PCDHGC5: variants seen among roughly 807,000 people sequenced by gnomAD.
PCDHGC5 encodes the protein protocadherin gamma subfamily C, 5, also known as protocadherin gamma-C5.
A neutral mutation model predicts 59.0 loss-of-function variants in PCDHGC5; 25 were observed. The observed-to-expected ratio is 0.42, with a 90% CI of 0.31 to 0.59. The LOEUF (loss-of-function observed/expected upper bound fraction) is 0.59. Among genes scored for constraint, PCDHGC5 ranks in the 20% least tolerant of loss-of-function variants. PCDHGC5 has a pLI of 0.13. For synonymous variants in PCDHGC5, 434 were observed against 505.5 expected (o/e 0.86, Z 1.90); for missense variants, 1,067 against 1,206.4 (o/e 0.88, Z 1.71).
intron 2 of PCDHGC5, among the ~76,000 whole-genome samples, chr5:141,501,286 C>T (rs2099806802): frequency 8.9e-6 from 1 of 112,422 alleles, no homozygotes; most frequent in African/African-American, 3.5e-5. Context: ...GGGATATTCC[C>T]TTATACACAC....
Position 141,491,652 on chromosome 5 carries a change from G to T in PCDHGC5, c.2412G>T (p.Glu804Asp). ...SVQQPTALAL[E>D]PDAIRSRSNT... ...AGCAGCCCACAGCTCTGGCGCTGGA[G>T]CCTGACGCCATCCGGTCCCGCTCTA... Residue 804 changes from glutamate to aspartate, a missense_variant, in exon 1 of 4, where the codon GAG becomes GAT. Physicochemically the swap from Glu to Asp is conservative, Grantham distance 45. Transcript: ENST00000252087. The surrounding 1 kb of genome is among the most constrained non-coding windows in gnomAD (Gnocchi z 6.9). The T allele has an allele frequency of 6.2e-7, 1 of 1,613,844 alleles. No homozygotes were observed.
intron 2 of PCDHGC5, among the ~76,000 whole-genome samples, chr5:141,501,761 G>C (rs906778888): frequency 2.6e-5 from 4 of 152,090 alleles, no homozygotes; most frequent in African/African-American, 4.8e-5. Flanking sequence ...CTCAGTAAAT[G>C]GTTAAAAAAG....
chr5:141,490,640 G>C lies in PCDHGC5; in HGVS notation c.1400G>C (p.Arg467Pro), dbSNP rs774630488. 1 of 1,614,122 alleles carries C rather than the reference G, an allele frequency of 6.2e-7. No individual in the cohort carries two copies. The highest frequency in any genetic ancestry group is 8.5e-7 in the Non-Finnish European group (1 of 1,180,012). The change falls in exon 1 of 4, where the codon CGG becomes CCG. Residue 467 changes from arginine (R) to proline (P), a missense_variant. Coordinates refer to ENST00000252087, the MANE Select transcript of PCDHGC5 (RefSeq NM_018929.3). This position sits in a 1 kb window ranked among gnomAD's most constrained non-coding sequence, Gnocchi z 5.4. ...QLYTAYILEN[R>P]PPGSLLCTVA... The stretch of plus-strand genomic sequence containing the variant: ...TACACTGCTTACATCCTAGAAAACC[G>C]GCCTCCGGGCTCCCTTCTTTGCACT...
chr5:141,506,896 T>C (rs1417106112), intron 3 of PCDHGC5, among the ~76,000 whole-genome samples: 3 of 152,158 alleles, frequency 2.0e-5, no homozygotes, highest in African/African-American at 7.2e-5. Flanking sequence ...CAAGAAGCAC[T>C]GTCATCACAC....
chr5:141,509,046 C>T (rs1442220429), intron 3 of PCDHGC5, among the ~76,000 whole-genome samples: 1 of 152,160 alleles, frequency 6.6e-6, no homozygotes, highest in Non-Finnish European at 1.5e-5. Flanking sequence ...CTCTCCCCCG[C>T]CCCCAGAAAG....
In PCDHGC5 at chr5:141,491,341, G is replaced by C. The variant is rs775712620; in HGVS notation, c.2101G>C (p.Val701Leu). ...TLYLIVALAT[V>L]SLLSLVTFTF... ...TTACCTCATTGTGGCTCTAGCGACC[G>C]TCAGTCTCTTATCCCTAGTCACCTT... Residue 701 changes from valine to leucine, a missense_variant, in exon 1 of 4, where the codon GTC becomes CTC. By Grantham distance (32) the Val-to-Leu change is conservative. Transcript: ENST00000252087. This position sits in a 1 kb window ranked among gnomAD's most constrained non-coding sequence, Gnocchi z 6.9. 10 of 1,614,100 alleles carry C rather than the reference G, an allele frequency of 6.2e-6. No homozygotes were observed. In the East Asian group the frequency reaches 8.9e-5, roughly 14 times the overall value.
At chr5:141,503,620 A>C (rs1475731896) in intron 2 of PCDHGC5, among the ~76,000 whole-genome samples, 1 of 152,026 alleles carries the variant, frequency 6.6e-6, no homozygotes, top group East Asian at 1.9e-4. Flanking sequence ...AAAAAGAAAA[A>C]AGAAAAGAAA....
intron 1 of PCDHGC5, 108 bp from the exon 2 acceptor site, chr5:141,494,699 T>G: frequency 6.3e-7 from 1 of 1,592,240 alleles, no homozygotes; most frequent in East Asian, 2.3e-5. Context: ...GTCCGTTTTC[T>G]TCTCTGTGCC....
rs1225025591 is a variant in PCDHGC5 at position 141,493,316 on chromosome 5, T to G, written c.2461-1491T>G. Among the ~76,000 whole-genome samples, 2 of 152,198 alleles carry G rather than the reference T, an allele frequency of 1.3e-5. No homozygotes were observed. The highest frequency in any genetic ancestry group is 2.1e-4 in the South Asian group (1 of 4,826). Reference sequence around the variant, plus strand: ...AGTTCACAGAGCAAGTAAGAGAGATTCTAACCCCTGTCTAACTCCAGAATG... The same window carrying G: ...AGTTCACAGAGCAAGTAAGAGAGATGCTAACCCCTGTCTAACTCCAGAATG... On this transcript the variant is annotated intron_variant, in intron 1 of 3. Coordinates refer to ENST00000252087, the MANE Select transcript of PCDHGC5 (RefSeq NM_018929.3). This position sits in a 1 kb window ranked among gnomAD's most constrained non-coding sequence, Gnocchi z 4.3.
At chr5:141,500,866 A>C (rs576713520) in intron 2 of PCDHGC5, among the ~76,000 whole-genome samples, 1 of 146,112 alleles carries the variant, frequency 6.8e-6, no homozygotes, top group Non-Finnish European at 1.5e-5. Context: ...AAACATACAC[A>C]TTCATTTACA....
In PCDHGC5 at chr5:141,490,507, G is replaced by C; in HGVS notation, c.1267G>C (p.Glu423Gln). 1 of 1,614,016 alleles carries C rather than the reference G, an allele frequency of 6.2e-7. No individual in the cohort carries two copies. Among genetic ancestry groups the C allele is most frequent in the Non-Finnish European group, 8.5e-7 (1 of 1,180,002 alleles). Residue 423 changes from glutamate to glutamine, a missense_variant, in exon 1 of 4, where the codon GAG becomes CAG. Physicochemically the swap from Glu to Gln is conservative, Grantham distance 29 (BLOSUM62 2). Transcript: ENST00000252087. The surrounding 1 kb of genome is among the most constrained non-coding windows in gnomAD (Gnocchi z 5.4). ...DREATSHYII[E>Q]LLASDAGSPS... ...GGAGGCCACATCCCACTATATCATCGAGCTGCTGGCCAGCGATGCTGGTTC... is the reference window on the plus strand; with the variant it reads ...GGAGGCCACATCCCACTATATCATCCAGCTGCTGGCCAGCGATGCTGGTTC...
Position 141,494,920 on chromosome 5 carries a change from G to A in PCDHGC5, c.2519+55G>A, listed in dbSNP as rs1329724849. The A allele has an allele frequency of 1.8e-5, 29 of 1,613,680 alleles. No individual in the cohort carries two copies. The East Asian group carries it at 6.5e-4, about 36-fold the overall frequency. On this transcript the variant is annotated intron_variant, in intron 2 of 3. Coordinates refer to ENST00000252087, the MANE Select transcript of PCDHGC5 (RefSeq NM_018929.3). ...TTCTCTGCGGCATTTTCTCAGGGAT[G>A]ACGTGGGAGGAGATGGGGGAGGGCC...
Position 141,491,402 on chromosome 5 carries a change from C to T in PCDHGC5, c.2162C>T (p.Ala721Val). 1 of 1,614,156 alleles carries T rather than the reference C, an allele frequency of 6.2e-7. No individual in the cohort carries two copies. Among genetic ancestry groups the T allele is most frequent in the Non-Finnish European group, 8.5e-7 (1 of 1,180,022 alleles). ...FLSAKCLQGN[A>V]DGDGGGGQCC... ...TCAGCGAAGTGCCTTCAGGGAAACG[C>T]AGACGGGGACGGGGGTGGAGGGCAG... Residue 721 changes from alanine to valine, a missense_variant, in exon 1 of 4, where the codon GCA becomes GTA. Transcript: ENST00000252087. The surrounding 1 kb of genome is among the most constrained non-coding windows in gnomAD (Gnocchi z 6.9).
chr5:141,501,425 G>A (rs1444899306), intron 2 of PCDHGC5, among the ~76,000 whole-genome samples: 1 of 151,726 alleles, frequency 6.6e-6, no homozygotes, highest in Non-Finnish European at 1.5e-5. Flanking sequence ...TTGACTAAAT[G>A]TAGTCCATTT....
Position 141,511,225 on chromosome 5 carries a change from C to T in PCDHGC5, c.*52C>T, listed in dbSNP as rs2099883678. On this transcript the variant is annotated 3_prime_UTR_variant, in exon 4 of 4. Transcript: ENST00000252087. Reference sequence around the variant, plus strand: ...GGCGGCCTCTCCCCAACCAGCCCAGCTTCTCCTTACCTGCACCCAGGCCTC... The same window carrying T: ...GGCGGCCTCTCCCCAACCAGCCCAGTTTCTCCTTACCTGCACCCAGGCCTC... 1.9e-6 allele frequency: 3 copies of T among 1,601,506 alleles called. No individual in the cohort carries two copies. Among genetic ancestry groups the T allele is most frequent in the Non-Finnish European group, 2.6e-6 (3 of 1,174,170 alleles).
chr5:141,498,523 G>A (rs555386753), intron 2 of PCDHGC5, among the ~76,000 whole-genome samples: 1 of 151,580 alleles, frequency 6.6e-6, no homozygotes, highest in Admixed American at 6.6e-5. Context: ...CTTGCCCACT[G>A]CCCTCCAGCC....
intron 3 of PCDHGC5, among the ~76,000 whole-genome samples, chr5:141,510,162 A>C (rs947806998): frequency 6.6e-6 from 1 of 151,838 alleles, no homozygotes; most frequent in Non-Finnish European, 1.5e-5. Flanking sequence ...AATCTCAGCT[A>C]CTCAGGAGGT....
rs2099748976 is a variant in PCDHGC5, at chr5:141,493,566, C to G, written c.2461-1241C>G. Among the ~76,000 whole-genome samples, 1 of 152,168 alleles carries G rather than the reference C, an allele frequency of 6.6e-6. No individual in the cohort carries two copies. Among genetic ancestry groups the G allele is most frequent in the African/African-American group, 2.4e-5 (1 of 41,436 alleles). ...TTTTGGAGATTGAGTTCCCCCAGCT[C>G]CGTTTCCTCCTATCACAATCACTGC... is the stretch of plus-strand genomic sequence containing the variant. On this transcript the variant is annotated intron_variant, in intron 1 of 3. Transcript: ENST00000252087. The surrounding 1 kb of genome is among the most constrained non-coding windows in gnomAD (Gnocchi z 4.3).
In PCDHGC5 at chr5:141,491,283, C is replaced by G; in HGVS notation, c.2043C>G (p.Leu681=). ...AAATGCCCAAATCCAGTGACTTCCT[C>G]ATACACCCTCCTGAGCGTTCAGACC... ...PEEMPKSSDF[L]IHPPERSDLT... is the part of the protein sequence containing the mutation. Residue 681 remains leucine, a synonymous_variant, in exon 1 of 4, where the codon CTC becomes CTG. Coordinates refer to ENST00000252087, the MANE Select transcript of PCDHGC5 (RefSeq NM_018929.3). The surrounding 1 kb of genome is among the most constrained non-coding windows in gnomAD (Gnocchi z 6.9). The G allele has an allele frequency of 1.2e-6, 2 of 1,614,164 alleles. No homozygotes were observed.
Sources: gnomAD v4.1 joint callset for allele counts (sites outside exome capture counted in the v4.1 genomes callset) on GRCh38, gnomAD v4.1.1 for gene constraint, Gnocchi (gnomAD v3.1) non-coding constraint, MANE v1.5 for transcripts, NCBI Gene and HGNC (gene_info 2026-07-23, HGNC 2026-07-21) for gene names.